PPP6R2: variants seen among roughly 807,000 people sequenced by gnomAD.
The protein encoded by PPP6R2 is protein phosphatase 6 regulatory subunit 2.
Under a neutral mutation model 100.2 loss-of-function variants are expected in PPP6R2, and 62 were observed. That is an observed-to-expected ratio of 0.62 (90% CI 0.50 to 0.76). PPP6R2 has a LOEUF of 0.76. Ranked by LOEUF, PPP6R2 falls within the 30% of genes least tolerant of loss-of-function variation. The pLI, the probability that PPP6R2 is intolerant of heterozygous loss-of-function variation, is 0.00. For synonymous variants in PPP6R2, 525 were observed against 514.7 expected (o/e 1.02, Z -0.27); for missense variants, 1,142 against 1,276.3 (o/e 0.89, Z 1.60).
chr22:50,381,852 G>C (rs2053119216), intron 2 of PPP6R2, among the ~76,000 whole-genome samples: 1 of 151,120 alleles, frequency 6.6e-6, no homozygotes, highest in Admixed American at 6.6e-5. Context: ...AGCTTGCAGT[G>C]TGCTGAGATC....
chr22:50,357,085 C>T (rs1284538594), intron 1 of PPP6R2, among the ~76,000 whole-genome samples: 2 of 152,102 alleles, frequency 1.3e-5, no homozygotes, highest in Admixed American at 6.6e-5. Context: ...GTAGTGGTAT[C>T]TTACTGTGGT....
At chr22:50,392,112 T>C (rs1403244180) in intron 2 of PPP6R2, 1 of 152,106 alleles carries the variant, frequency 6.6e-6, no homozygotes, top group Non-Finnish European at 1.5e-5. Flanking sequence ...TAGGAATCAT[T>C]ATTTCTGGTC....
intron 10 of PPP6R2, among the ~76,000 whole-genome samples, chr22:50,425,964 T>A (rs1183675067): frequency 3.3e-5 from 5 of 151,986 alleles, no homozygotes; most frequent in African/African-American, 1.2e-4. Flanking sequence ...TTTCTTTGGG[T>A]TATCTTTTTA....
chr22:50,437,484 T>TGCCCAAC, intron 15 of PPP6R2, 22 bp from the exon 16 acceptor site: 1 of 542,122 alleles, frequency 1.8e-6, no homozygotes, highest in Non-Finnish European at 3.6e-6. Flanking sequence ...TGTCCGTCCC[T>TGCCCAAC]CCCTCCCTCC....
At chr22:50,357,491 C>T (rs893744883) in intron 1 of PPP6R2, among the ~76,000 whole-genome samples, 1 of 149,134 alleles carries the variant, frequency 6.7e-6, no homozygotes, top group Non-Finnish European at 1.5e-5. Context: ...TCCTCCCTGT[C>T]TCTCTCTCTC....
chr22:50,428,890 C>G (rs2062654052), intron 10 of PPP6R2, among the ~76,000 whole-genome samples: 2 of 152,154 alleles, frequency 1.3e-5, no homozygotes, highest in Non-Finnish European at 2.9e-5. Flanking sequence ...GCATCCTTGC[C>G]TCGCTCCTGA....
rs368996630 is a variant in PPP6R2, at chr22:50,420,095, T to G, written c.845+633T>G. 8.6e-4 allele frequency among the ~76,000 whole-genome samples: 131 copies of G among 152,330 alleles called. 1 individual carries two copies. Among genetic ancestry groups the G allele is most frequent in the African/African-American group, 2.8e-3 (116 of 41,574 alleles). ...CCCTCCCCTTTAATTGCTCCCAGTC[T>G]GGCACAGGAGGCCCGTCTGTGGACA... On this transcript the variant is annotated intron_variant, in intron 8 of 23. Coordinates refer to ENST00000612753, the MANE Select transcript of PPP6R2 (RefSeq NM_001242898.2).
At chr22:50,441,101 G>C in intron 22 of PPP6R2, 75 bp downstream of exon 22, 3 of 1,274,896 alleles carry the variant, frequency 2.4e-6, no homozygotes, top group Non-Finnish European at 3.2e-6. Context: ...CCAGGTCTCA[G>C]CTCCCCTGAG....
In PPP6R2 at chr22:50,416,124, T is replaced by C; in HGVS notation, c.585T>C (p.Leu195=). The C allele has an allele frequency of 6.2e-7, 1 of 1,613,926 alleles. No individual in the cohort carries two copies. The highest frequency in any genetic ancestry group is 8.5e-7 in the Non-Finnish European group (1 of 1,179,882). The change falls in exon 6 of 24, where the codon CTT becomes CTC. Residue 195 remains leucine, a synonymous_variant. Transcript: ENST00000612753. ...ATGAAGAGAAGGTCATCCAGAGGCT[T>C]GTGGAGTTGATCCACCCGAGCCAGG... ...WLNEEKVIQR[L]VELIHPSQDE...
chr22:50,440,775 G>A (rs1478284122), intron 21 of PPP6R2, 47 bp from the exon 22 acceptor site: 2 of 1,600,990 alleles, frequency 1.2e-6, no homozygotes, highest in African/African-American at 2.7e-5. Context: ...GCCGCACCCT[G>A]TGACCCCTCC....
At chr22:50,437,484 T>TGCCCC in intron 15 of PPP6R2, 22 bp from the exon 16 acceptor site, 1 of 542,130 alleles carries the variant, frequency 1.8e-6, no homozygotes, top group Non-Finnish European at 3.6e-6. Context: ...TGTCCGTCCC[T>TGCCCC]CCCTCCCTCC....
chr22:50,434,417 C>T (rs1431681829), intron 12 of PPP6R2, among the ~76,000 whole-genome samples: 2 of 44,890 alleles, frequency 4.5e-5, no homozygotes, highest in African/African-American at 1.2e-4. Flanking sequence ...GGGGCGCGGA[C>T]GCTGGGCAGG....
chr22:50,436,068 C>T (rs1217398439), intron 13 of PPP6R2, among the ~76,000 whole-genome samples: 4 of 152,238 alleles, frequency 2.6e-5, no homozygotes, highest in Non-Finnish European at 5.9e-5. Flanking sequence ...AATGGGCTTC[C>T]ACCCAACAGA....
At chr22:50,346,211 T>C (rs1601952653) in intron 1 of PPP6R2, among the ~76,000 whole-genome samples, 1 of 13,886 alleles carries the variant, frequency 7.2e-5, no homozygotes, top group Non-Finnish European at 1.1e-4. Flanking sequence ...TCAGTCACTG[T>C]CCCCTCCAGT....
intron 13 of PPP6R2, among the ~76,000 whole-genome samples, chr22:50,435,559 G>A (rs1424522592): frequency 6.6e-6 from 1 of 152,172 alleles, no homozygotes; most frequent in African/African-American, 2.4e-5. Context: ...GGGTTAGGTG[G>A]GCGCAGGCAC....
At chr22:50,384,949 T>C (rs1017278797) in intron 2 of PPP6R2, among the ~76,000 whole-genome samples, 3 of 152,138 alleles carry the variant, frequency 2.0e-5, no homozygotes, top group African/African-American at 7.2e-5. Flanking sequence ...GGTCTTGCCA[T>C]GTCTAGCAGG....
chr22:50,369,304 G>GA (rs75589342), intron 1 of PPP6R2, among the ~76,000 whole-genome samples: 32,460 of 151,736 alleles, frequency 0.21, 5,033 homozygotes, highest in African/African-American at 0.43. Flanking sequence ...AAAGTGGGCT[G>GA]AAAGCCTATT....
In PPP6R2 at chr22:50,431,156, G is replaced by T; in HGVS notation, c.1126-17G>T. On this transcript the variant is annotated splice_polypyrimidine_tract_variant and intron_variant, in intron 10 of 23. Coordinates refer to ENST00000612753, the MANE Select transcript of PPP6R2 (RefSeq NM_001242898.2). The surrounding 1 kb of genome is among the most constrained non-coding windows in gnomAD (Gnocchi z 4.8). ...AAAACCGATCTAAGAACTGTCTTCTGTCCTCTGTTTACCCAGGACTTGTTC... is the reference window on the plus strand; with the variant it reads ...AAAACCGATCTAAGAACTGTCTTCTTTCCTCTGTTTACCCAGGACTTGTTC... 2 of 1,588,818 alleles carry T rather than the reference G, an allele frequency of 1.3e-6. No homozygotes were observed. The highest frequency in any genetic ancestry group is 1.7e-6 in the Non-Finnish European group (2 of 1,158,056).
intron 3 of PPP6R2, among the ~76,000 whole-genome samples, chr22:50,405,259 G>A (rs1173703824): frequency 1.3e-5 from 2 of 152,098 alleles, no homozygotes; most frequent in African/African-American, 4.8e-5. Flanking sequence ...GGCCTGGAGG[G>A]AGGCAAGAGG....
Sources: gnomAD v4.1 joint callset for allele counts (sites outside exome capture counted in the v4.1 genomes callset) on GRCh38, gnomAD v4.1.1 for gene constraint, Gnocchi (gnomAD v3.1) non-coding constraint, MANE v1.5 for transcripts, NCBI Gene and HGNC (gene_info 2026-07-23, HGNC 2026-07-21) for gene names.